The following TCF12 variants were observed in gnomAD, a reference collection of about 807,000 sequenced individuals.
TCF12 encodes DNA-binding protein HTF4.
A neutral mutation model predicts 86.0 loss-of-function variants in TCF12; 45 were observed. The ratio of observed to expected loss-of-function variants is 0.52; its 90% CI spans 0.41 to 0.67. The LOEUF (loss-of-function observed/expected upper bound fraction) is 0.67. Ranked by LOEUF, TCF12 falls within the 30% of genes least tolerant of loss-of-function variation. The pLI is 0.00. For missense variants in TCF12, 881 were observed against 859.9 expected, an observed-to-expected ratio of 1.02 and a Z score of -0.31; for synonymous variants, 330 against 299.6, an observed-to-expected ratio of 1.10 and a Z score of -1.05.
At chr15:57,195,964 A>G (rs920236862) in intron 7 of TCF12, among the ~76,000 whole-genome samples, 2 of 152,180 alleles carry the variant, frequency 1.3e-5, no homozygotes, top group Non-Finnish European at 2.9e-5. Context: ...TGCTCATACC[A>G]CTGCACTCCA....
rs2059123365 is a variant in TCF12, at chr15:57,231,200, A to C, written c.628A>C (p.Ser210Arg). Residue 210 changes from serine (S) to arginine (R), a missense_variant, in exon 9 of 21, where the codon AGT (serine) becomes CGT (arginine). Coordinates refer to ENST00000333725, the MANE Select transcript of TCF12 (RefSeq NM_207037.2). Reference sequence around the variant, plus strand: ...AGATGATTTCAACCGTGAATCTCCTAGTTATCCATCTCCTAAGCCACCAAC... The same window carrying C: ...AGATGATTTCAACCGTGAATCTCCTCGTTATCCATCTCCTAAGCCACCAAC... ...NSDDFNRESP[S>R]YPSPKPPTSM... 4 of 1,613,268 alleles carry C rather than the reference A, an allele frequency of 2.5e-6. No homozygotes were observed. The highest frequency in any genetic ancestry group is 3.4e-6 in the Non-Finnish European group (4 of 1,179,378).
At chr15:57,119,334 T>G (rs1281017037) in intron 5 of TCF12, among the ~76,000 whole-genome samples, 7 of 151,314 alleles carry the variant, frequency 4.6e-5, no homozygotes, top group African/African-American at 1.7e-4. Context: ...GGGCAGTGTT[T>G]GTAGAGACAG....
intron 3 of TCF12, among the ~76,000 whole-genome samples, chr15:56,945,470 G>A (rs1398919293): frequency 3.3e-5 from 5 of 151,924 alleles, no homozygotes; most frequent in African/African-American, 1.2e-4. Flanking sequence ...TTGCTTATCT[G>A]AGAGGTTTTA....
chr15:57,111,586 CTTTT>C (rs1166862090), intron 5 of TCF12, among the ~76,000 whole-genome samples: 4 of 115,468 alleles, frequency 3.5e-5, no homozygotes, highest in African/African-American at 6.5e-5. Flanking sequence ...GTTTGTTTAT[CTTTT>C]TTTTTTTTTT....
chr15:57,230,404 A>G (rs1222764844), intron 8 of TCF12, among the ~76,000 whole-genome samples: 1 of 152,020 alleles, frequency 6.6e-6, no homozygotes, highest in Non-Finnish European at 1.5e-5. Flanking sequence ...GTGTGATCAC[A>G]TTTTGATCAT....
chr15:57,140,756 C>T (rs1312269376), intron 5 of TCF12, among the ~76,000 whole-genome samples: 1 of 152,164 alleles, frequency 6.6e-6, no homozygotes, highest in Admixed American at 6.5e-5. Context: ...GAAACTGATG[C>T]TGAGATAATT....
intron 3 of TCF12, among the ~76,000 whole-genome samples, chr15:56,953,303 T>G (rs555680280): frequency 3.0e-4 from 45 of 151,616 alleles, no homozygotes; most frequent in African/African-American, 1.0e-3. Flanking sequence ...TGCTTTGTAG[T>G]TTTTTTCAAT....
intron 13 of TCF12, among the ~76,000 whole-genome samples, chr15:57,243,888 T>C (rs1180473959): frequency 1.3e-5 from 2 of 151,896 alleles, no homozygotes; most frequent in Admixed American, 6.6e-5. Flanking sequence ...TCTAAAGTTA[T>C]TTTTTTTAGA....
At chr15:57,116,401 A>G (rs1299546380) in intron 5 of TCF12, among the ~76,000 whole-genome samples, 1 of 152,150 alleles carries the variant, frequency 6.6e-6, no homozygotes, top group Non-Finnish European at 1.5e-5. Context: ...GCTGAAGAGC[A>G]GTGGCATGGT....
At position 57,219,179 on chromosome 15, in the gene TCF12, A is replaced by G. The variant is rs558746847; in HGVS notation, c.580-11973A>G. The G allele has an allele frequency of 6.5e-6, 7 of 1,082,192 alleles. No individual in the cohort carries two copies. The South Asian group carries it at 1.7e-4, about 27-fold the overall frequency. The allele number at this position is 1,082,192 out of a possible 1,614,324, so 67.0% of individuals were successfully genotyped here. ...CTTCCTTTTGTGTGTGTATATATGTATATATGAGACAAATCTAATAATTTC... is the reference window on the plus strand; with the variant it reads ...CTTCCTTTTGTGTGTGTATATATGTGTATATGAGACAAATCTAATAATTTC... On this transcript the variant is annotated intron_variant, in intron 8 of 20. Coordinates refer to ENST00000333725, the MANE Select transcript of TCF12 (RefSeq NM_207037.2).
chr15:57,084,072 T>C (rs920332281), intron 4 of TCF12, among the ~76,000 whole-genome samples: 3 of 152,220 alleles, frequency 2.0e-5, no homozygotes, highest in African/African-American at 7.2e-5. Context: ...CAATTAGTTG[T>C]TGCTTCTTAA....
In TCF12 at chr15:57,234,104, A is replaced by G. The variant is rs1441076762; in HGVS notation, c.1032A>G (p.Ala344=). 7 of 1,612,940 alleles carry G rather than the reference A, an allele frequency of 4.3e-6. No homozygotes were observed. Among genetic ancestry groups the G allele is most frequent in the Middle Eastern group, 1.7e-4 (1 of 6,056 alleles). ...QTGDALGKAL[A]SIYSPDHTSS... is the part of the protein sequence containing the mutation. ...GTGATGCACTTGGAAAGGCTTTGGCATCTGTGAGTATTGATTTTACACATT... is the reference window on the plus strand; with the variant it reads ...GTGATGCACTTGGAAAGGCTTTGGCGTCTGTGAGTATTGATTTTACACATT... The change falls in exon 12 of 21, where the codon GCA becomes GCG. Residue 344 remains alanine (A), a synonymous_variant. Transcript: ENST00000333725.
chr15:57,284,746 CTT>C (rs2061859677), intron 20 of TCF12, among the ~76,000 whole-genome samples: 1 of 152,236 alleles, frequency 6.6e-6, no homozygotes, highest in South Asian at 2.1e-4. Flanking sequence ...CCCATTTCCT[CTT>C]GTTTTCTTCT....
At chr15:57,114,870 G>C (rs1170388054) in intron 5 of TCF12, among the ~76,000 whole-genome samples, 1 of 151,902 alleles carries the variant, frequency 6.6e-6, no homozygotes, top group Non-Finnish European at 1.5e-5. Context: ...TATTGAATAC[G>C]TGAATGAATG....
chr15:57,066,785 C>A (rs1042658221), intron 4 of TCF12, among the ~76,000 whole-genome samples: 15 of 152,126 alleles, frequency 9.9e-5, no homozygotes, highest in Admixed American at 6.5e-4. Flanking sequence ...TAATATGAAA[C>A]CATATTTGGC....
At chr15:56,958,045 A>C (rs1305819082) in intron 3 of TCF12, among the ~76,000 whole-genome samples, 1 of 152,136 alleles carries the variant, frequency 6.6e-6, no homozygotes, top group Admixed American at 6.5e-5. Flanking sequence ...AATGCTTGGC[A>C]CTGGTACCTT....
intron 5 of TCF12, among the ~76,000 whole-genome samples, chr15:57,139,786 A>G (rs1725577205): frequency 6.6e-6 from 1 of 152,186 alleles, no homozygotes; most frequent in Non-Finnish European, 1.5e-5. Flanking sequence ...AATAGTACCA[A>G]AAAAGCTTTA....
At chr15:57,178,759 A>G (rs2056133114) in intron 6 of TCF12, among the ~76,000 whole-genome samples, 1 of 152,242 alleles carries the variant, frequency 6.6e-6, no homozygotes, top group Non-Finnish European at 1.5e-5. Flanking sequence ...TGCTTAGAGT[A>G]TGCTCACTAC....
chr15:57,098,018 A>C (rs1448264641), intron 5 of TCF12, among the ~76,000 whole-genome samples: 5 of 148,516 alleles, frequency 3.4e-5, no homozygotes, highest in East Asian at 3.9e-4. Flanking sequence ...ACAAAAAAAA[A>C]AAAAAAAAAA....
Sources: allele counts gnomAD v4.1 joint callset (sites outside exome capture counted in the v4.1 genomes callset), GRCh38; gene constraint gnomAD v4.1.1; transcripts MANE v1.5; gene names NCBI Gene and HGNC (gene_info 2026-07-23, HGNC 2026-07-21).